The following GRIN2B variants were observed in gnomAD, a reference collection of about 807,000 sequenced individuals.
GRIN2B encodes glutamate ionotropic receptor NMDA type subunit 2B.
In GRIN2B, 5 loss-of-function variants were observed where a neutral mutation model predicts 114.5. That is an observed-to-expected ratio of 0.04 (90% CI 0.02 to 0.09). The LOEUF is 0.09. Among genes scored for constraint, GRIN2B ranks in the 10% least tolerant of loss-of-function variants. The pLI is 1.00. For synonymous variants in GRIN2B, 787 were observed against 745.1 expected (o/e 1.06, Z -0.92); for missense variants, 1,108 against 1,943.5 (o/e 0.57, Z 8.08).
Position 13,631,132 on chromosome 12 carries a change from T to G in GRIN2B, c.1126-14475A>C, listed in dbSNP as rs149822727. On this transcript the variant is annotated intron_variant, in intron 5 of 13. Transcript: ENST00000609686. ...TCCCCAACACATGGGGATTACAATT[T>G]GAGATGAGATTTGGTTGGCAACGCA... Among the ~76,000 whole-genome samples the G allele has an allele frequency of 2.1e-3, 323 of 152,246 alleles. 2 individuals are homozygous for G. The highest frequency in any genetic ancestry group is 7.4e-3 in the African/African-American group (307 of 41,548).
At chr12:13,899,582 A>C (rs1287858588) in intron 2 of GRIN2B, among the ~76,000 whole-genome samples, 1 of 143,940 alleles carries the variant, frequency 6.9e-6, no homozygotes, top group African/African-American at 2.4e-5. Context: ...TAAGGAACAC[A>C]TTAACATTAA....
chr12:13,961,107 A>G (rs1867683318), intron 2 of GRIN2B, among the ~76,000 whole-genome samples: 1 of 151,304 alleles, frequency 6.6e-6, no homozygotes, highest in African/African-American at 2.4e-5. Context: ...ATCTGCCCTT[A>G]GTAGTGTGAG....
intron 4 of GRIN2B, among the ~76,000 whole-genome samples, chr12:13,705,914 G>C (rs1026508782): frequency 6.6e-6 from 1 of 152,094 alleles, no homozygotes; most frequent in Non-Finnish European, 1.5e-5. Flanking sequence ...TAGTGAGGTA[G>C]TAATCATTTG....
At chr12:13,973,134 C>CT (rs1435824287) in intron 2 of GRIN2B, among the ~76,000 whole-genome samples, 1 of 152,196 alleles carries the variant, frequency 6.6e-6, no homozygotes, top group Non-Finnish European at 1.5e-5. Context: ...TTCTGAGACT[C>CT]TCTTCTCCCT....
intron 4 of GRIN2B, among the ~76,000 whole-genome samples, chr12:13,707,883 CT>C (rs1950375503): frequency 6.6e-6 from 1 of 152,106 alleles, no homozygotes; most frequent in Non-Finnish European, 1.5e-5. Context: ...AGCAAGTTTA[CT>C]GGGCAATCAT....
chr12:13,679,722 T>C (rs1950110686), intron 4 of GRIN2B, among the ~76,000 whole-genome samples: 1 of 152,144 alleles, frequency 6.6e-6, no homozygotes, highest in African/African-American at 2.4e-5. Context: ...TACATCAGCC[T>C]TGAGCAAGAT....
At chr12:13,750,852 C>A (rs1046400485) in intron 4 of GRIN2B, among the ~76,000 whole-genome samples, 2 of 152,202 alleles carry the variant, frequency 1.3e-5, no homozygotes, top group Non-Finnish European at 2.9e-5. Context: ...ACAGAGCTCA[C>A]AGGGAAGGGA....
intron 5 of GRIN2B, among the ~76,000 whole-genome samples, chr12:13,650,955 ACT>A (rs762543529): frequency 4.7e-4 from 72 of 152,148 alleles, no homozygotes; most frequent in Middle Eastern, 3.4e-3. Flanking sequence ...TGAATGCAGA[ACT>A]CTCTGGTCAA....
rs1864391948 is a variant in GRIN2B at position 13,794,928 on chromosome 12, T to C, written c.412-41013A>G. 2.0e-5 allele frequency among the ~76,000 whole-genome samples: 3 copies of C among 152,334 alleles called. No individual in the cohort carries two copies. The South Asian group carries it at 6.2e-4, about 32-fold the overall frequency. On this transcript the variant is annotated intron_variant, in intron 3 of 13. Coordinates refer to ENST00000609686, the MANE Select transcript of GRIN2B (RefSeq NM_000834.5). ...CTGAAATTCAGTTCCACTTTTCTAT[T>C]GCCAGCAAGCCTCACCATGAGAGGA...
At chr12:13,711,637 A>G (rs907372594) in intron 4 of GRIN2B, among the ~76,000 whole-genome samples, 4 of 152,264 alleles carry the variant, frequency 2.6e-5, no homozygotes, top group Non-Finnish European at 5.9e-5. Flanking sequence ...AATGCTCATC[A>G]TCACTGGCCA....
At chr12:13,802,367 C>T (rs1453921845) in intron 3 of GRIN2B, among the ~76,000 whole-genome samples, 1 of 152,030 alleles carries the variant, frequency 6.6e-6, no homozygotes, top group Admixed American at 6.6e-5. Flanking sequence ...TTGATCAACA[C>T]ACATACTAGT....
intron 3 of GRIN2B, among the ~76,000 whole-genome samples, chr12:13,776,627 G>GA (rs139597157): frequency 2.0e-5 from 3 of 152,172 alleles, no homozygotes; most frequent in East Asian, 1.9e-4. Flanking sequence ...ATATTTTAGG[G>GA]AAAAAACAGA....
chr12:13,945,935 C>T (rs1257664766), intron 2 of GRIN2B, among the ~76,000 whole-genome samples: 3 of 152,108 alleles, frequency 2.0e-5, no homozygotes, highest in Non-Finnish European at 4.4e-5. Context: ...AACAACAGTG[C>T]ATATTATAAC....
chr12:13,654,462 T>G (rs1215468335), intron 5 of GRIN2B, among the ~76,000 whole-genome samples: 1 of 152,204 alleles, frequency 6.6e-6, no homozygotes, highest in African/African-American at 2.4e-5. Context: ...AGCACATCTT[T>G]TAAGAAACCC....
rs552659750 is a variant in GRIN2B at position 13,547,614 on chromosome 12, G to C, written c.*15169C>G. ...AAAGGAGAAAACAATAATTGGCCTA[G>C]GAGATGGGAGTTTTGTTCTTGGTCT... On this transcript the variant is annotated 3_prime_UTR_variant, in exon 14 of 14. Transcript: ENST00000609686. The C allele has an allele frequency of 2.6e-5, 4 of 152,276 alleles. No individual in the cohort carries two copies. The East Asian group carries it at 7.8e-4, about 30-fold the overall frequency. The allele number at this position is 152,276 out of a possible 1,614,324, so 9.4% of individuals were successfully genotyped here.
chr12:13,600,435 T>C (rs960585844), intron 10 of GRIN2B, among the ~76,000 whole-genome samples: 2 of 152,168 alleles, frequency 1.3e-5, no homozygotes, highest in Non-Finnish European at 2.9e-5. Context: ...GAGTGCTAAG[T>C]TACTATTTAT....
chr12:13,767,619 G>A lies in GRIN2B; in HGVS notation c.412-13704C>T, dbSNP rs145948917. ...GTACTTCCAGGTGCAAATAGAGTAAGGCACAATGTTTTTGTCTGTATGTTG... is the reference window on the plus strand; with the variant it reads ...GTACTTCCAGGTGCAAATAGAGTAAAGCACAATGTTTTTGTCTGTATGTTG... On this transcript the variant is annotated intron_variant, in intron 3 of 13. Transcript: ENST00000609686. 2.8e-4 allele frequency among the ~76,000 whole-genome samples: 42 copies of A among 152,280 alleles called. No homozygotes were observed. In the East Asian group the frequency reaches 7.1e-3, roughly 26 times the overall value.
At chr12:13,937,106 G>GAAA (rs532435483) in intron 2 of GRIN2B, among the ~76,000 whole-genome samples, 72,038 of 141,242 alleles carry the variant, frequency 0.51, 19,525 homozygotes, top group East Asian at 0.93. Context: ...AGGGGGGGGG[G>GAAA]AAGATTGAAG....
intron 5 of GRIN2B, among the ~76,000 whole-genome samples, chr12:13,639,044 G>A (rs1234086146): frequency 6.6e-6 from 1 of 152,166 alleles, no homozygotes; most frequent in Admixed American, 6.6e-5. Context: ...TACACAGTGA[G>A]CTAAGTTAAG....
Sources: gnomAD v4.1 joint callset for allele counts (sites outside exome capture counted in the v4.1 genomes callset) on GRCh38, gnomAD v4.1.1 for gene constraint, MANE v1.5 for transcripts, NCBI Gene and HGNC (gene_info 2026-07-23, HGNC 2026-07-21) for gene names.